TKTL1: variants seen among roughly 807,000 people sequenced by gnomAD.
The protein encoded by TKTL1 is transketolase-like protein 1.
In TKTL1, 1 loss-of-function variant was observed where a neutral mutation model predicts 39.3. The observed-to-expected ratio is 0.03, with a 90% CI of 0.01 to 0.12. The LOEUF (loss-of-function observed/expected upper bound fraction) is 0.12, where lower values mean the gene tolerates loss of function less well. TKTL1 is among the 10% of genes least tolerant of loss of function. The pLI, the probability that TKTL1 is intolerant of heterozygous loss-of-function variation, is 1.00. For missense variants in TKTL1, 575 were observed against 509.6 expected (o/e 1.13, Z -1.24); for synonymous variants, 262 against 193.8 (o/e 1.35, Z -2.92).
chrX:154,326,055 G>A (rs1309597700), intron 10 of TKTL1, among the ~76,000 whole-genome samples: 2 of 112,194 alleles, frequency 1.8e-5, no homozygotes, highest in African/African-American at 3.2e-5. Flanking sequence ...AGATTTTACA[G>A]ATCTAAGGCC....
At chrX:154,328,870 A>T (rs1603355742) in intron 12 of TKTL1, among the ~76,000 whole-genome samples, 1 of 111,879 alleles carries the variant, frequency 8.9e-6, no homozygotes, top group South Asian at 3.7e-4. Flanking sequence ...CCAGGGCAGG[A>T]ACCATGGGCC....
At chrX:154,299,511 T>C (rs2067256979) in intron 1 of TKTL1, among the ~76,000 whole-genome samples, 1 of 110,874 alleles carries the variant, frequency 9.0e-6, no homozygotes, top group African/African-American at 3.3e-5. Flanking sequence ...TTTTTGCTTA[T>C]GTGAATAAAT....
At chrX:154,311,336 C>G in intron 5 of TKTL1, 98 bp downstream of exon 5, 1 of 1,088,622 alleles carries the variant, frequency 9.2e-7, no homozygotes. Flanking sequence ...GCAGATGACT[C>G]ATTTAGTGAA....
chrX:154,318,193 TGAG>T (rs1423141470), intron 7 of TKTL1, among the ~76,000 whole-genome samples: 5 of 111,128 alleles, frequency 4.5e-5, no homozygotes, highest in African/African-American at 9.8e-5. Context: ...CTCGGCCTCT[TGAG>T]GAGCTGGGAG....
chrX:154,299,056 C>G (rs2067252350), intron 1 of TKTL1, among the ~76,000 whole-genome samples: 1 of 108,705 alleles, frequency 9.2e-6, no homozygotes, highest in Admixed American at 9.9e-5. Flanking sequence ...AAATGTCCCA[C>G]TTGGCACTGC....
intron 3 of TKTL1, among the ~76,000 whole-genome samples, chrX:154,310,178 G>A (rs912227587): frequency 2.7e-5 from 3 of 111,550 alleles, no homozygotes; most frequent in East Asian, 2.9e-4. Flanking sequence ...AGGTGGCGGC[G>A]GGAGGCGGTG....
At chrX:154,321,728 A>G (rs1464525293) in intron 8 of TKTL1, among the ~76,000 whole-genome samples, 2 of 106,190 alleles carry the variant, frequency 1.9e-5, no homozygotes, top group Non-Finnish European at 3.9e-5. Context: ...GTGGCTGCAC[A>G]CACTTGCTTC....
chrX:154,323,569 A>G (rs1225143367), intron 9 of TKTL1, among the ~76,000 whole-genome samples: 1 of 112,491 alleles, frequency 8.9e-6, no homozygotes, highest in Non-Finnish European at 1.9e-5. Flanking sequence ...TGTCTCAGTC[A>G]GGGTTTAGCA....
At chrX:154,306,391 G>A (rs2067315151) in intron 2 of TKTL1, among the ~76,000 whole-genome samples, 2 of 111,348 alleles carry the variant, frequency 1.8e-5, no homozygotes, top group African/African-American at 6.5e-5. Flanking sequence ...ACAAAAACTG[G>A]GCATAGCTGA....
At chrX:154,301,228 C>G in intron 1 of TKTL1, among the ~76,000 whole-genome samples, 1 of 110,234 alleles carries the variant, frequency 9.1e-6, no homozygotes, top group Non-Finnish European at 1.9e-5. Context: ...TTTTTTAAAT[C>G]TTGTTGGCCA....
At chrX:154,316,174 A>AT (rs1345168453) in intron 7 of TKTL1, among the ~76,000 whole-genome samples, 11 of 111,454 alleles carry the variant, frequency 9.9e-5, no homozygotes, top group Admixed American at 3.8e-4. Flanking sequence ...GGTTCACGAC[A>AT]TTCTCCTGCC....
chrX:154,312,744 T>G lies in TKTL1; in HGVS notation c.835T>G (p.Ser279Ala). The G allele has an allele frequency of 8.3e-7, 1 of 1,206,974 alleles. No homozygotes were observed. The highest frequency in any genetic ancestry group is 1.8e-5 in the South Asian group (1 of 56,000). Residue 279 changes from serine (S) to alanine (A), a missense_variant, in exon 6 of 13, where the codon TCT (serine) becomes GCT (alanine). Coordinates refer to ENST00000369915, the MANE Select transcript of TKTL1 (RefSeq NM_012253.4). The stretch of plus-strand genomic sequence containing the variant: ...CAACATCACAGATGTAAGGATGACC[T>G]CTCCACCTGATTACAGAGTTGGTGA... Reference protein sequence around the residue: ...EVNITDVRMTSPPDYRVGDKI... With the variant: ...EVNITDVRMTAPPDYRVGDKI...
chrX:154,327,511 G>T, intron 10 of TKTL1, 80 bp from the exon 11 acceptor site: 1 of 845,101 alleles, frequency 1.2e-6, no homozygotes, highest in Non-Finnish European at 1.8e-6. Flanking sequence ...GGGGATAGCG[G>T]CATAGCAAAG....
chrX:154,297,485 T>C (rs1293620749), intron 1 of TKTL1, among the ~76,000 whole-genome samples: 2 of 111,031 alleles, frequency 1.8e-5, no homozygotes, highest in Non-Finnish European at 3.8e-5. Context: ...CTCGATCTCC[T>C]GACCTCGTGA....
intron 9 of TKTL1, 76 bp from the exon 10 acceptor site, chrX:154,325,263 C>T: frequency 3.0e-6 from 3 of 984,286 alleles, no homozygotes; most frequent in South Asian, 1.9e-5. Context: ...TCACACCCCT[C>T]CTTCACTTCT....
chrX:154,313,502 A>G (rs2067374210), intron 6 of TKTL1, among the ~76,000 whole-genome samples: 1 of 112,312 alleles, frequency 8.9e-6, no homozygotes, highest in African/African-American at 3.2e-5. Flanking sequence ...GGAAGGACAC[A>G]CTTTCTGATC....
At chrX:154,313,544 T>C (rs1191297416) in intron 6 of TKTL1, among the ~76,000 whole-genome samples, 1 of 112,113 alleles carries the variant, frequency 8.9e-6, no homozygotes, top group Non-Finnish European at 1.9e-5. Flanking sequence ...TGAGTGTTGC[T>C]CATGTTTTCT....
At chrX:154,315,608 C>T (rs145671270) in intron 7 of TKTL1, among the ~76,000 whole-genome samples, 3,464 of 111,103 alleles carry the variant, frequency 0.031, 138 homozygotes, top group African/African-American at 0.11. Context: ...CTCTGAGCCT[C>T]GAACCATCTG....
In TKTL1 at chrX:154,329,591, G is replaced by A. The variant is rs371201153; in HGVS notation, c.1694G>A (p.Gly565Glu). Residue 565 changes from glycine (G) to glutamate (E), a missense_variant, in exon 13 of 13, where the codon GGA (glycine) becomes GAA (glutamate). Transcript: ENST00000369915. ...DIQVHSLAVS[G>E]VPQSGKSEEL... ...CAGGTTCATTCGCTGGCAGTGTCGGGAGTGCCCCAGAGTGGGAAGTCCGAG... is the reference window on the plus strand; with the variant it reads ...CAGGTTCATTCGCTGGCAGTGTCGGAAGTGCCCCAGAGTGGGAAGTCCGAG... 57 of 1,210,086 alleles carry A rather than the reference G, an allele frequency of 4.7e-5. No homozygotes were observed. The African/African-American group carries it at 5.9e-4, about 13-fold the overall frequency.
Sources: allele counts gnomAD v4.1 joint callset (sites outside exome capture counted in the v4.1 genomes callset), GRCh38; gene constraint gnomAD v4.1.1; transcripts MANE v1.5; gene names NCBI Gene and HGNC (gene_info 2026-07-23, HGNC 2026-07-21).